Variants in GNAS-AS1 observed in about 807,000 individuals in gnomAD.
GNAS-AS1 encodes GNAS antisense RNA 1 (non-protein coding).
chr20:58,839,398 T>C, intron 4 of GNAS-AS1: 2 of 399,318 alleles, frequency 5.0e-6, no homozygotes, highest in Non-Finnish European at 4.4e-6. Flanking sequence ...CTATTTGGGG[T>C]TCTGGGTTTT....
Position 58,842,276 on chromosome 20 carries a change from GA to G in GNAS-AS1, n.527-48del, listed in dbSNP as rs1460471288. The G allele has an allele frequency of 1.0e-5, 4 of 397,864 alleles. No individual in the cohort carries two copies. The East Asian group carries it at 1.1e-4, about 11-fold the overall frequency. 24.6% of individuals were successfully genotyped at this position (397,864 alleles called of 1,614,324 possible). A position where few individuals can be genotyped will look rare whatever the true frequency, so the allele number is the denominator to read the frequency against. On this transcript the variant is annotated intron_variant and non_coding_transcript_variant, in intron 3 of 4. Coordinates refer to ENST00000424094, the Ensembl canonical transcript of GNAS-AS1. Reference sequence around the variant, plus strand: ...AAAAATCTCATCCGACTTGGAAATTGATTTTTTTTTTCCTGGTGTGCGTGTC... The same window carrying G: ...AAAAATCTCATCCGACTTGGAAATTGTTTTTTTTTTCCTGGTGTGCGTGTC...
intron 4 of GNAS-AS1, among the ~76,000 whole-genome samples, chr20:58,830,962 C>T (rs997155990): frequency 3.3e-5 from 5 of 152,172 alleles, no homozygotes; most frequent in East Asian, 1.9e-4. Flanking sequence ...AGATATAAAA[C>T]GAGGGTGCCC....
At chr20:58,830,484 T>A (rs865948781) in intron 4 of GNAS-AS1, among the ~76,000 whole-genome samples, 6 of 5,666 alleles carry the variant, frequency 1.1e-3, no homozygotes, top group East Asian at 6.8e-3. Context: ...ATCATCACCA[T>A]CACCACCATC....
intron 4 of GNAS-AS1, among the ~76,000 whole-genome samples, chr20:58,831,975 C>G (rs79689280): frequency 0.013 from 2,047 of 152,238 alleles, 43 homozygotes; most frequent in African/African-American, 0.046. Context: ...ATTTGGGAAC[C>G]GCTGACTTAG....
chr20:58,844,155 G>C (rs1295807210), intron 2 of GNAS-AS1: 1 of 152,212 alleles, frequency 6.6e-6, no homozygotes, highest in East Asian at 1.9e-4. Flanking sequence ...TGCTCTTCAA[G>C]AAGAGGGAAG....
At chr20:58,831,511 C>T (rs1432575808) in intron 4 of GNAS-AS1, among the ~76,000 whole-genome samples, 2 of 152,030 alleles carry the variant, frequency 1.3e-5, no homozygotes, top group East Asian at 1.9e-4. Flanking sequence ...CTCGTCTCTA[C>T]TAAAAATACA....
chr20:58,839,475 G>C (rs1038016749), intron 4 of GNAS-AS1: 2 of 401,126 alleles, frequency 5.0e-6, no homozygotes, highest in Non-Finnish European at 8.8e-6. Context: ...ACGACCCCAC[G>C]GGAGCCTGCG....
At chr20:58,829,381 T>C (rs1224532091) in intron 4 of GNAS-AS1, among the ~76,000 whole-genome samples, 1 of 152,238 alleles carries the variant, frequency 6.6e-6, no homozygotes, top group Non-Finnish European at 1.5e-5. Flanking sequence ...GAGAGGTCTT[T>C]AAAATAGACA....
At chr20:58,848,259 C>G (rs1323339612) in intron 2 of GNAS-AS1, among the ~76,000 whole-genome samples, 1 of 152,186 alleles carries the variant, frequency 6.6e-6, no homozygotes. Flanking sequence ...CCAATCCTGT[C>G]CTCCCCTACT....
chr20:58,845,932 G>A (rs2085924833), intron 2 of GNAS-AS1, among the ~76,000 whole-genome samples: 1 of 152,216 alleles, frequency 6.6e-6, no homozygotes, highest in African/African-American at 2.4e-5. Flanking sequence ...ACTGGGCATA[G>A]CCTGTGTGTT....
At chr20:58,839,026 G>A (rs1269703912) in intron 4 of GNAS-AS1, 5 of 396,624 alleles carry the variant, frequency 1.3e-5, no homozygotes, top group Non-Finnish European at 2.2e-5. Context: ...GTGGTTGTGT[G>A]AACTGAGAGC....
intron 4 of GNAS-AS1, among the ~76,000 whole-genome samples, chr20:58,837,011 A>G (rs928269078): frequency 1.3e-5 from 2 of 152,222 alleles, no homozygotes; most frequent in Admixed American, 1.3e-4. Context: ...TTAGTGAATC[A>G]GCTCTGGGCT....
intron 1 of GNAS-AS1, among the ~76,000 whole-genome samples, chr20:58,849,658 C>A (rs2086076875): frequency 6.6e-6 from 1 of 152,196 alleles, no homozygotes; most frequent in South Asian, 2.1e-4. Context: ...GTGTTCCATC[C>A]ATCTGGGTGC....
intron 2 of GNAS-AS1, among the ~76,000 whole-genome samples, chr20:58,845,213 G>A (rs79820260): frequency 0.042 from 6,419 of 152,254 alleles, 214 homozygotes; most frequent in African/African-American, 0.085. Context: ...CACAAGTGCT[G>A]TTGAAAGTTT....
chr20:58,840,869 T>G lies in GNAS-AS1; in HGVS notation n.819+1068A>C, dbSNP rs745570313. 2.5e-6 allele frequency: 4 copies of G among 1,612,644 alleles called. No homozygotes were observed. The highest frequency in any genetic ancestry group is 3.3e-5 in the Admixed American group (2 of 59,996). On this transcript the variant is annotated intron_variant and non_coding_transcript_variant, in intron 4 of 4. Coordinates refer to ENST00000424094, the Ensembl canonical transcript of GNAS-AS1. This position sits in a 1 kb window ranked among gnomAD's most constrained non-coding sequence, Gnocchi z 6.0. ...ATGGAGGACGCCGTCCAGATTCTCCTTGTTTTCATGGATTCAGGTTAGTTG... is the reference window on the plus strand; with the variant it reads ...ATGGAGGACGCCGTCCAGATTCTCCGTGTTTTCATGGATTCAGGTTAGTTG...
chr20:58,846,524 T>C (rs1193601468), intron 2 of GNAS-AS1, among the ~76,000 whole-genome samples: 1 of 152,188 alleles, frequency 6.6e-6, no homozygotes, highest in Non-Finnish European at 1.5e-5. Context: ...AAGAGAAAGA[T>C]TTAACACCTA....
intron 4 of GNAS-AS1, among the ~76,000 whole-genome samples, chr20:58,829,863 A>G (rs977378868): frequency 1.3e-5 from 2 of 151,988 alleles, no homozygotes; most frequent in Non-Finnish European, 1.5e-5. Context: ...ATGACTCATT[A>G]TTTCCAGATC....
intron 2 of GNAS-AS1, among the ~76,000 whole-genome samples, chr20:58,844,752 C>T (rs1379509164): frequency 2.6e-5 from 4 of 151,614 alleles, no homozygotes; most frequent in African/African-American, 7.3e-5. Flanking sequence ...AGCTAGGTAT[C>T]GCGCCATTGC....
intron 4 of GNAS-AS1, among the ~76,000 whole-genome samples, chr20:58,821,277 G>A (rs1057421452): frequency 2.0e-5 from 3 of 152,066 alleles, no homozygotes; most frequent in Non-Finnish European, 4.4e-5. Flanking sequence ...TGTCCCCTCT[G>A]TCCAGTGTGC....
Sources: allele counts gnomAD v4.1 joint callset (sites outside exome capture counted in the v4.1 genomes callset), GRCh38; gene constraint gnomAD v4.1.1; non-coding constraint Gnocchi (gnomAD v3.1); transcripts MANE v1.5; gene names NCBI Gene and HGNC (gene_info 2026-07-23, HGNC 2026-07-21).